Variants in GLIS3 observed in about 807,000 individuals in gnomAD.
The protein encoded by GLIS3 is GLIS family zinc finger 3.
In GLIS3, 53 loss-of-function variants were observed where a neutral mutation model predicts 78.6. That is an observed-to-expected ratio of 0.67 (90% confidence interval 0.54 to 0.85). The LOEUF is 0.85. Ranked by LOEUF, GLIS3 falls within the 40% of genes least tolerant of loss-of-function variation. The probability of loss-of-function intolerance (pLI) is 0.00; values close to 1 mark genes in which losing one functional copy is unlikely to be tolerated. For missense variants in GLIS3, 1,703 were observed against 1,231.1 expected (o/e 1.38, Z -5.74); for synonymous variants, 684 against 509.9 (o/e 1.34, Z -4.60).
At chr9:4,264,763 T>G (rs1312483536) in intron 2 of GLIS3, among the ~76,000 whole-genome samples, 2 of 152,188 alleles carry the variant, frequency 1.3e-5, no homozygotes, top group African/African-American at 4.8e-5. Flanking sequence ...AGAAATTACA[T>G]CATAGGTATT....
intron 2 of GLIS3, among the ~76,000 whole-genome samples, chr9:4,241,859 T>A (rs1407175415): frequency 6.6e-6 from 1 of 152,142 alleles, no homozygotes; most frequent in Non-Finnish European, 1.5e-5. Flanking sequence ...GTGGTTTTAT[T>A]TTTATGTAGA....
intron 9 of GLIS3, among the ~76,000 whole-genome samples, chr9:3,841,499 A>G (rs1818711793): frequency 1.3e-5 from 2 of 152,192 alleles, no homozygotes; most frequent in Non-Finnish European, 2.9e-5. Flanking sequence ...TCAACGTGGG[A>G]AGGAGAAGCA....
At chr9:4,427,515 G>T in the GLIS3 span, among the ~76,000 whole-genome samples, 1 of 152,108 alleles carries the variant, frequency 6.6e-6, no homozygotes, top group African/African-American at 2.4e-5. Context: ...ATAACAACTG[G>T]TCTGCAGGAT....
the GLIS3 span, among the ~76,000 whole-genome samples, chr9:4,402,608 A>T: frequency 6.6e-6 from 1 of 152,214 alleles, no homozygotes; most frequent in Non-Finnish European, 1.5e-5. Flanking sequence ...TCTATCAGAT[A>T]AATTTAACAA....
intron 4 of GLIS3, among the ~76,000 whole-genome samples, chr9:4,032,910 G>C (rs1309283842): frequency 1.3e-5 from 2 of 151,822 alleles, no homozygotes; most frequent in African/African-American, 4.9e-5. Flanking sequence ...CTGGAGTGCG[G>C]TGGCGCAATC....
chr9:4,128,789 T>A (rs1404506528), intron 2 of GLIS3, among the ~76,000 whole-genome samples: 1 of 152,228 alleles, frequency 6.6e-6, no homozygotes, highest in Non-Finnish European at 1.5e-5. Flanking sequence ...TCACATTGTT[T>A]TCTTGCTTTG....
At chr9:3,896,947 A>G (rs192910148) in intron 7 of GLIS3, among the ~76,000 whole-genome samples, 1 of 152,228 alleles carries the variant, frequency 6.6e-6, no homozygotes, top group Non-Finnish European at 1.5e-5. Context: ...GTCATGGACA[A>G]AAAGTGGACA....
At chr9:3,909,106 C>T (rs149202195) in intron 6 of GLIS3, among the ~76,000 whole-genome samples, 35 of 152,208 alleles carry the variant, frequency 2.3e-4, no homozygotes, top group African/African-American at 8.4e-4. Flanking sequence ...CCAGAAGAAA[C>T]GAAGCCAGAA....
At chr9:4,449,685 G>C in the GLIS3 span, among the ~76,000 whole-genome samples, 1 of 152,202 alleles carries the variant, frequency 6.6e-6, no homozygotes, top group Admixed American at 6.5e-5. Context: ...GCCTCTGCTG[G>C]TGATACCTAG....
chr9:4,027,942 G>T (rs746147471), intron 4 of GLIS3, among the ~76,000 whole-genome samples: 2 of 152,166 alleles, frequency 1.3e-5, no homozygotes, highest in South Asian at 2.1e-4. Context: ...GATCAAGGTA[G>T]AACCCAGTGG....
intron 2 of GLIS3, among the ~76,000 whole-genome samples, chr9:4,172,180 G>A (rs888967159): frequency 1.3e-5 from 2 of 152,164 alleles, no homozygotes; most frequent in African/African-American, 4.8e-5. Flanking sequence ...ACATGAATAT[G>A]TATTTCTTAT....
At chr9:4,350,285 T>C (rs1463762651), upstream of GLIS3, among the ~76,000 whole-genome samples, 1 of 152,184 alleles carries the variant, frequency 6.6e-6, no homozygotes, top group Non-Finnish European at 1.5e-5. Flanking sequence ...GGCGGAAATG[T>C]GAGGAACTGG....
chr9:4,357,089 G>C, the GLIS3 span, among the ~76,000 whole-genome samples: 5 of 152,134 alleles, frequency 3.3e-5, no homozygotes, highest in African/African-American at 9.7e-5. Flanking sequence ...TTCTATTTTA[G>C]TTTCAAGTTG....
At chr9:4,382,046 C>T in the GLIS3 span, among the ~76,000 whole-genome samples, 3 of 152,294 alleles carry the variant, frequency 2.0e-5, no homozygotes, top group Non-Finnish European at 4.4e-5. Flanking sequence ...GGCTGGTAGC[C>T]GCTCTCTACA....
intron 4 of GLIS3, among the ~76,000 whole-genome samples, chr9:4,032,206 G>C (rs937176187): frequency 6.6e-6 from 1 of 152,156 alleles, no homozygotes; most frequent in Admixed American, 6.5e-5. Context: ...ACTACACACA[G>C]GAGGAGGTTT....
chr9:4,041,353 A>T (rs1472950801), intron 4 of GLIS3, among the ~76,000 whole-genome samples: 1 of 152,202 alleles, frequency 6.6e-6, no homozygotes, highest in Non-Finnish European at 1.5e-5. Context: ...TGCTGAAACG[A>T]ACTATCTTGC....
chr9:4,041,368 A>G (rs1824797724), intron 4 of GLIS3, among the ~76,000 whole-genome samples: 1 of 152,198 alleles, frequency 6.6e-6, no homozygotes, highest in African/African-American at 2.4e-5. Flanking sequence ...TCTTGCCCCC[A>G]GTGTCATTAA....
intron 2 of GLIS3, among the ~76,000 whole-genome samples, chr9:4,281,878 TC>T (rs1335588885): frequency 6.6e-6 from 1 of 152,198 alleles, no homozygotes; most frequent in African/African-American, 2.4e-5. Context: ...TATCCCTGTT[TC>T]CTTCTAAATT....
intron 2 of GLIS3, among the ~76,000 whole-genome samples, chr9:4,192,489 C>G (rs2131223640): frequency 6.6e-6 from 1 of 152,318 alleles, no homozygotes; most frequent in Non-Finnish European, 1.5e-5. Flanking sequence ...TTTTGGAACT[C>G]AACACATTCC....
Sources: allele counts gnomAD v4.1 joint callset (sites outside exome capture counted in the v4.1 genomes callset), GRCh38; gene constraint gnomAD v4.1.1; transcripts MANE v1.5; gene names NCBI Gene and HGNC (gene_info 2026-07-23, HGNC 2026-07-21).